The following LSAMP variants were observed in gnomAD, a reference collection of about 807,000 sequenced individuals.
LSAMP encodes limbic system-associated membrane protein.
In LSAMP, 7 loss-of-function variants were observed where a neutral mutation model predicts 38.6. The ratio of observed to expected loss-of-function variants is 0.18; its 90% confidence interval spans 0.10 to 0.34. The LOEUF (loss-of-function observed/expected upper bound fraction) is 0.34, where lower values mean the gene tolerates loss of function less well. Among genes scored for constraint, LSAMP ranks in the 10% least tolerant of loss-of-function variants. The probability of loss-of-function intolerance (pLI) is 1.00; values close to 1 mark genes in which losing one functional copy is unlikely to be tolerated. For missense variants in LSAMP, 313 were observed against 420.0 expected (o/e 0.75, Z 2.23); for synonymous variants, 154 against 166.8 (o/e 0.92, Z 0.59).
chr3:115,871,155 T>C (rs1414993245), intron 3 of LSAMP, among the ~76,000 whole-genome samples: 1 of 152,188 alleles, frequency 6.6e-6, no homozygotes, highest in Non-Finnish European at 1.5e-5. Flanking sequence ...TCTCATTTTA[T>C]GCTGCCTGGG....
chr3:116,013,531 C>A (rs546514509), intron 3 of LSAMP, among the ~76,000 whole-genome samples: 1 of 152,162 alleles, frequency 6.6e-6, no homozygotes, highest in South Asian at 2.1e-4. Context: ...TGAGACTATA[C>A]TGGGAAAGTA....
intron 3 of LSAMP, among the ~76,000 whole-genome samples, chr3:116,014,123 T>C (rs1407509160): frequency 6.6e-6 from 1 of 152,154 alleles, no homozygotes; most frequent in Non-Finnish European, 1.5e-5. Flanking sequence ...GACTTTATGA[T>C]GGTGTGAAAG....
chr3:116,293,906 C>A (rs192372340), intron 1 of LSAMP, among the ~76,000 whole-genome samples: 18 of 152,056 alleles, frequency 1.2e-4, no homozygotes, highest in Admixed American at 7.2e-4. Flanking sequence ...AGGTGACATG[C>A]AACATAATGA....
chr3:116,166,787 GTT>G (rs35340943), intron 1 of LSAMP, among the ~76,000 whole-genome samples: 6 of 118,804 alleles, frequency 5.1e-5, no homozygotes, highest in Admixed American at 9.0e-5. Context: ...TTTTTTTTTT[GTT>G]TTTTTTTTTT....
chr3:116,295,073 G>C (rs1357437391), intron 1 of LSAMP, among the ~76,000 whole-genome samples: 1 of 152,144 alleles, frequency 6.6e-6, no homozygotes, highest in Non-Finnish European at 1.5e-5. Flanking sequence ...GAACACAAAA[G>C]ATTGATGAAA....
chr3:116,175,749 A>G (rs966099295), intron 1 of LSAMP, among the ~76,000 whole-genome samples: 1 of 152,002 alleles, frequency 6.6e-6, no homozygotes, highest in Non-Finnish European at 1.5e-5. Context: ...TGAGTGTCAT[A>G]TGGGTATAAG....
intron 3 of LSAMP, among the ~76,000 whole-genome samples, chr3:115,947,825 A>G (rs984370181): frequency 1.3e-5 from 2 of 152,184 alleles, no homozygotes; most frequent in African/African-American, 2.4e-5. Context: ...CATGGGTAAC[A>G]TATTATTGAC....
intron 3 of LSAMP, among the ~76,000 whole-genome samples, chr3:115,975,521 T>A (rs1169445882): frequency 6.6e-6 from 1 of 152,122 alleles, no homozygotes; most frequent in Non-Finnish European, 1.5e-5. Flanking sequence ...TTTCAATATC[T>A]GTAAGGGCAG....
intron 2 of LSAMP, among the ~76,000 whole-genome samples, chr3:116,073,119 G>T (rs1051912849): frequency 2.0e-5 from 3 of 152,078 alleles, no homozygotes; most frequent in Non-Finnish European, 2.9e-5. Context: ...TCAATTTTCT[G>T]CATATGGCTA....
chr3:116,075,910 T>G (rs1348834882), intron 2 of LSAMP, among the ~76,000 whole-genome samples: 1 of 152,228 alleles, frequency 6.6e-6, no homozygotes, highest in Admixed American at 6.5e-5. Flanking sequence ...TTTCATTTAC[T>G]TTTATGCTAA....
intron 1 of LSAMP, among the ~76,000 whole-genome samples, chr3:116,230,154 C>T (rs903190539): frequency 6.6e-6 from 1 of 152,072 alleles, no homozygotes; most frequent in African/African-American, 2.4e-5. Flanking sequence ...AAAGAATACA[C>T]ACAAGTTGCA....
chr3:115,945,650 G>T (rs568491984), intron 3 of LSAMP, among the ~76,000 whole-genome samples: 64 of 152,116 alleles, frequency 4.2e-4, no homozygotes, highest in Non-Finnish European at 8.7e-4. Context: ...CAATTTTTCT[G>T]GTCCTAGCAT....
chr3:116,128,625 T>G (rs1376277543), intron 1 of LSAMP, among the ~76,000 whole-genome samples: 1 of 152,236 alleles, frequency 6.6e-6, no homozygotes, highest in Admixed American at 6.5e-5. Flanking sequence ...TATTGCACAT[T>G]GGGATACCCC....
At chr3:116,238,779 C>T (rs2107635861) in intron 1 of LSAMP, among the ~76,000 whole-genome samples, 1 of 152,262 alleles carries the variant, frequency 6.6e-6, no homozygotes, top group East Asian at 1.9e-4. Flanking sequence ...TCAAAGCATT[C>T]CATATGGATT....
At chr3:116,279,061 A>G (rs2116310) in intron 1 of LSAMP, among the ~76,000 whole-genome samples, 7,480 of 152,234 alleles carry the variant, frequency 0.049, 602 homozygotes, top group African/African-American at 0.16. Context: ...TTTTGCTAGT[A>G]CTTGCCATTT....
At chr3:116,266,042 C>T (rs759006986) in intron 1 of LSAMP, among the ~76,000 whole-genome samples, 1 of 151,632 alleles carries the variant, frequency 6.6e-6, no homozygotes, top group African/African-American at 2.4e-5. Context: ...AAGGGAAGTA[C>T]TTTATTTTCT....
chr3:115,835,652 G>C (rs561616072), intron 6 of LSAMP, among the ~76,000 whole-genome samples: 101 of 152,282 alleles, frequency 6.6e-4, no homozygotes, highest in Non-Finnish European at 7.6e-4. Flanking sequence ...ATTCAAATCT[G>C]ATAGCCTACC....
chr3:115,911,609 G>T (rs1007472648), intron 3 of LSAMP, among the ~76,000 whole-genome samples: 3 of 152,172 alleles, frequency 2.0e-5, no homozygotes, highest in African/African-American at 4.8e-5. Flanking sequence ...CTCCCAGAGT[G>T]CTGGGATTAC....
At chr3:116,225,716 C>G (rs1338490504) in intron 1 of LSAMP, among the ~76,000 whole-genome samples, 3 of 151,106 alleles carry the variant, frequency 2.0e-5, no homozygotes, top group Non-Finnish European at 1.5e-5. Flanking sequence ...AGTTGTTAAG[C>G]CTAGGAATTG....
Sources: allele counts gnomAD v4.1 joint callset (sites outside exome capture counted in the v4.1 genomes callset), GRCh38; gene constraint gnomAD v4.1.1; transcripts MANE v1.5; gene names NCBI Gene and HGNC (gene_info 2026-07-23, HGNC 2026-07-21).